Variants in TMEM43 observed in about 807,000 individuals in gnomAD.
TMEM43 encodes transmembrane protein 43, also known as arrhythmogenic right ventricular dysplasia 5.
In TMEM43, 45 loss-of-function variants were observed where a neutral mutation model predicts 49.6. The ratio of observed to expected loss-of-function variants is 0.91; its 90% CI spans 0.71 to 1.16. The LOEUF (loss-of-function observed/expected upper bound fraction) is 1.16. Ranked by LOEUF, TMEM43 falls within the 50% of genes most tolerant of loss-of-function variation. TMEM43 has a pLI of 0.00. For missense variants in TMEM43, 532 were observed against 516.6 expected, an observed-to-expected ratio of 1.03 and a Z score of -0.29; for synonymous variants, 199 against 207.8, an observed-to-expected ratio of 0.96 and a Z score of 0.36.
chr3:14,125,795 C>T (rs1211986953), intron 1 of TMEM43, among the ~76,000 whole-genome samples: 1 of 152,166 alleles, frequency 6.6e-6, no homozygotes, highest in Non-Finnish European at 1.5e-5. Flanking sequence ...GGCCCCTCCT[C>T]CCCCTAGCAA....
At chr3:14,132,977 C>A (rs770753162) in intron 6 of TMEM43, 42 bp downstream of exon 6, 9 of 1,488,830 alleles carry the variant, frequency 6.0e-6, no homozygotes, top group Non-Finnish European at 7.5e-6. Context: ...TTTGTCTACA[C>A]TGGCAGGTCT....
At chr3:14,135,327 C>G in intron 9 of TMEM43, 95 bp downstream of exon 9, 1 of 1,069,214 alleles carries the variant, frequency 9.4e-7, no homozygotes, top group East Asian at 2.5e-5. Context: ...CTTGGACCCC[C>G]TTTTCCCTGG....
At chr3:14,133,693 G>A in intron 6 of TMEM43, 46 bp from the exon 7 acceptor site, 1 of 1,586,558 alleles carries the variant, frequency 6.3e-7, no homozygotes, top group Non-Finnish European at 8.7e-7. Context: ...GACCCGGGCA[G>A]CTCCCACACC....
At chr3:14,133,882 C>G in intron 7 of TMEM43, 73 bp downstream of exon 7, 1 of 1,369,452 alleles carries the variant, frequency 7.3e-7, no homozygotes, top group Non-Finnish European at 1.0e-6. Context: ...GCTCCCAGTA[C>G]TCAGCCTTCA....
At position 14,141,660 on chromosome 3, in the gene TMEM43, C is replaced by G. The variant is rs1217551500; in HGVS notation, c.1068C>G (p.Ala356=). 4 of 1,614,106 alleles carry G rather than the reference C, an allele frequency of 2.5e-6. No homozygotes were observed. The highest frequency in any genetic ancestry group is 3.4e-6 in the Non-Finnish European group (4 of 1,180,056). Reference sequence around the variant, plus strand: ...TGAAAGCCTTTGCCTTCTGTGTGGCCACCTCGCTGACCCTGCTGACCGTGG... The same window carrying G: ...TGAAAGCCTTTGCCTTCTGTGTGGCGACCTCGCTGACCCTGCTGACCGTGG... ...IGLKAFAFCV[A]TSLTLLTVAA... is the part of the protein sequence containing the mutation. The change falls in exon 12 of 12, where the codon GCC becomes GCG. Residue 356 remains alanine (A), a synonymous_variant. Transcript: ENST00000306077.
chr3:14,137,528 C>T (rs957205431), intron 10 of TMEM43, among the ~76,000 whole-genome samples: 1 of 152,216 alleles, frequency 6.6e-6, no homozygotes, highest in East Asian at 1.9e-4. Context: ...CCAGCCCCCA[C>T]CCCCACACAA....
intron 11 of TMEM43, 85 bp downstream of exon 11, chr3:14,139,382 C>CTGGAAGGG: frequency 1.0e-6 from 1 of 971,140 alleles, no homozygotes. Flanking sequence ...GCCCTTCCAG[C>CTGGAAGGG]CTGATGGGAT....
chr3:14,133,816 C>T lies in TMEM43; in HGVS notation c.583+7C>T, dbSNP rs1219698703. ...AGGTTTTTCCTCTCGTCAGGTAAGT[C>T]TCAGGCCTCTCCAGAGGAGCTCGTG... On this transcript the variant is annotated splice_region_variant and intron_variant, in intron 7 of 11. Transcript: ENST00000306077. 4 of 1,613,956 alleles carry T rather than the reference C, an allele frequency of 2.5e-6. No individual in the cohort carries two copies. In the South Asian group the frequency reaches 4.4e-5, roughly 18 times the overall value.
At chr3:14,130,069 CTT>C (rs1162369142) in intron 2 of TMEM43, among the ~76,000 whole-genome samples, 1 of 141,814 alleles carries the variant, frequency 7.1e-6, no homozygotes, top group East Asian at 2.4e-4. Context: ...TTGTCTCTCT[CTT>C]TCTCTCTTTC....
intron 1 of TMEM43, among the ~76,000 whole-genome samples, chr3:14,125,735 G>A (rs1322178583): frequency 6.6e-6 from 1 of 152,164 alleles, no homozygotes; most frequent in Non-Finnish European, 1.5e-5. Context: ...AGCTTAGGCT[G>A]GGCTGGGAGC....
chr3:14,133,872 G>A lies in TMEM43; in HGVS notation c.583+63G>A, dbSNP rs1180357293. ...AGCACAAGGCCCCCCTAGGGCCGGA[G>A]CTCCCAGTACTCAGCCTTCAGAGGG... On this transcript the variant is annotated intron_variant, in intron 7 of 11. Transcript: ENST00000306077. The A allele has an allele frequency of 4.8e-6, 7 of 1,450,742 alleles. No homozygotes were observed. The Admixed American group carries it at 1.2e-4, about 24-fold the overall frequency. 89.9% of individuals were successfully genotyped at this position (1,450,742 alleles called of 1,614,324 possible). A position where few individuals can be genotyped will look rare whatever the true frequency, so the allele number is the denominator to read the frequency against.
intron 1 of TMEM43, among the ~76,000 whole-genome samples, chr3:14,125,572 C>G (rs1483266044): frequency 6.6e-6 from 1 of 152,168 alleles, no homozygotes; most frequent in African/African-American, 2.4e-5. Context: ...GAGCTGGACG[C>G]GACCTCAGAG....
intron 1 of TMEM43, among the ~76,000 whole-genome samples, chr3:14,125,851 C>G (rs1421417565): frequency 2.6e-5 from 4 of 152,150 alleles, no homozygotes; most frequent in Non-Finnish European, 5.9e-5. Context: ...CCCTCAAGGC[C>G]TCTTCTCCCT....
chr3:14,132,513 C>G (rs1362163287), intron 4 of TMEM43, 33 bp from the exon 5 acceptor site: 7 of 1,613,634 alleles, frequency 4.3e-6, no homozygotes, highest in Non-Finnish European at 5.9e-6. Flanking sequence ...GGCGACGAGG[C>G]TAACCCCCGT....
At chr3:14,133,701 ACCGGTGC>A (rs774326343) in intron 6 of TMEM43, 31 bp from the exon 7 acceptor site, 2 of 1,603,232 alleles carry the variant, frequency 1.2e-6, no homozygotes, top group Non-Finnish European at 8.5e-7. Flanking sequence ...CAGCTCCCAC[ACCGGTGC>A]CCATCTCTGA....
In TMEM43 at chr3:14,141,769, C is replaced by T. The variant is rs765762863; in HGVS notation, c.1177C>T (p.Arg393Trp). 67 of 1,613,692 alleles carry T rather than the reference C, an allele frequency of 4.2e-5. No homozygotes were observed. Among genetic ancestry groups the T allele is most frequent in the Non-Finnish European group, 5.3e-5 (63 of 1,180,016 alleles). Residue 393 changes from arginine to tryptophan, a missense_variant, in exon 12 of 12, where the codon CGG (arginine) becomes TGG (tryptophan). Physicochemically the swap from Arg to Trp is moderately radical, Grantham distance 101 (BLOSUM62 -3). Transcript: ENST00000306077. ...TGTGCCCATCCTTGTTGCTCGGACACGGGTGCCAGCCAAAAAGTTGGAGTG... is the reference window on the plus strand; with the variant it reads ...TGTGCCCATCCTTGTTGCTCGGACATGGGTGCCAGCCAAAAAGTTGGAGTG... ...ALVPILVART[R>W]VPAKKLE
intron 10 of TMEM43, among the ~76,000 whole-genome samples, chr3:14,137,678 A>G (rs1368941206): frequency 2.0e-5 from 3 of 152,260 alleles, no homozygotes; most frequent in Non-Finnish European, 4.4e-5. Context: ...CGGCCCTGGC[A>G]CTGCCTCCCA....
Position 14,135,843 on chromosome 3 carries a change from G to A in TMEM43, c.817G>A (p.Val273Ile). The A allele has an allele frequency of 6.2e-7, 1 of 1,613,992 alleles. No homozygotes were observed. Among genetic ancestry groups the A allele is most frequent in the Non-Finnish European group, 8.5e-7 (1 of 1,180,048 alleles). Residue 273 changes from valine to isoleucine, a missense_variant, in exon 10 of 12, where the codon GTC (valine) becomes ATC (isoleucine). By Grantham distance (29) the Val-to-Ile change is conservative. Coordinates refer to ENST00000306077, the MANE Select transcript of TMEM43 (RefSeq NM_024334.3). ...VIARQRGDQL[V>I]PFSTKSGDTL... Reference sequence around the variant, plus strand: ...TGCCCGGCAGCGGGGTGACCAGCTAGTCCCATTCTCCACCAAGTCTGGGGA... The same window carrying A: ...TGCCCGGCAGCGGGGTGACCAGCTAATCCCATTCTCCACCAAGTCTGGGGA...
At position 14,135,148 on chromosome 3, in the gene TMEM43, C is replaced by A. The variant is rs767156841; in HGVS notation, c.706-10C>A. 1 of 1,611,184 alleles carries A rather than the reference C, an allele frequency of 6.2e-7. No homozygotes were observed. The highest frequency in any genetic ancestry group is 2.2e-5 in the East Asian group (1 of 44,868). On this transcript the variant is annotated splice_polypyrimidine_tract_variant and intron_variant, in intron 8 of 11. Transcript: ENST00000306077. The stretch of plus-strand genomic sequence containing the variant: ...GTTCCTCACTCTCCCTGCTTCTCTT[C>A]CACCCCCAGGTGGGAGACTTGCGTG...
Sources: allele counts gnomAD v4.1 joint callset (sites outside exome capture counted in the v4.1 genomes callset), GRCh38; gene constraint gnomAD v4.1.1; transcripts MANE v1.5; gene names NCBI Gene and HGNC (gene_info 2026-07-23, HGNC 2026-07-21).